Variants in CASK observed in about 807,000 individuals in gnomAD.
CASK encodes peripheral plasma membrane protein CASK.
A neutral mutation model predicts 82.9 loss-of-function variants in CASK; 4 were observed. That is an observed-to-expected ratio of 0.05 (90% CI 0.02 to 0.11). The LOEUF (loss-of-function observed/expected upper bound fraction) is 0.11, where lower values mean the gene tolerates loss of function less well. Ranked by LOEUF, CASK falls within the 10% of genes least tolerant of loss-of-function variation. The probability of loss-of-function intolerance (pLI) is 1.00; values close to 1 mark genes in which losing one functional copy is unlikely to be tolerated. For missense variants in CASK, 358 were observed against 720.9 expected (o/e 0.50, Z 5.76); for synonymous variants, 259 against 253.5 (o/e 1.02, Z -0.20).
chrX:41,682,759 G>T (rs1031162061), intron 5 of CASK, among the ~76,000 whole-genome samples: 13 of 109,142 alleles, frequency 1.2e-4, no homozygotes, highest in Admixed American at 2.0e-4. Context: ...CTACAAGTGT[G>T]TGCCACCATG....
intron 20 of CASK, among the ~76,000 whole-genome samples, chrX:41,554,838 T>C (rs770078443): frequency 8.9e-6 from 1 of 112,346 alleles, no homozygotes; most frequent in Admixed American, 9.4e-5. Flanking sequence ...TCTGATTATT[T>C]TTAATACCAT....
intron 12 of CASK, among the ~76,000 whole-genome samples, chrX:41,594,468 T>C (rs2065787943): frequency 8.9e-6 from 1 of 112,029 alleles, no homozygotes; most frequent in African/African-American, 3.2e-5. Context: ...TGCTGAATTG[T>C]AGCAACTTAT....
chrX:41,784,407 T>C (rs2069541279), intron 3 of CASK, among the ~76,000 whole-genome samples: 1 of 112,431 alleles, frequency 8.9e-6, no homozygotes, highest in African/African-American at 3.2e-5. Context: ...GGGATGTCCA[T>C]TTAACACTTT....
chrX:41,861,270 G>A (rs1049764164), intron 1 of CASK, among the ~76,000 whole-genome samples: 8 of 111,177 alleles, frequency 7.2e-5, no homozygotes, highest in African/African-American at 2.6e-4. Context: ...GCGTGTGCAT[G>A]CGTGTGTGAG....
At chrX:41,761,877 AT>A (rs766889036) in intron 3 of CASK, among the ~76,000 whole-genome samples, 7 of 112,284 alleles carry the variant, frequency 6.2e-5, no homozygotes, top group African/African-American at 9.7e-5. Context: ...AGATACCTAA[AT>A]TTATTATCCT....
intron 5 of CASK, among the ~76,000 whole-genome samples, chrX:41,738,498 A>G (rs1443741960): frequency 4.4e-5 from 5 of 112,586 alleles, no homozygotes; most frequent in African/African-American, 1.6e-4. Context: ...GCTTTTAACT[A>G]CAAGGATTTC....
intron 5 of CASK, chrX:41,728,134 C>A: frequency 2.6e-6 from 1 of 387,964 alleles, no homozygotes; most frequent in Non-Finnish European, 4.3e-6. Context: ...GCTTGGTTGA[C>A]AATAATCACC....
intron 14 of CASK, chrX:41,584,910 A>C (rs748139812): frequency 1.8e-5 from 2 of 112,937 alleles, no homozygotes; most frequent in African/African-American, 6.4e-5. Context: ...ATTATTAATA[A>C]AGCATATAGT....
chrX:41,810,908 C>CA (rs972964042), intron 2 of CASK, among the ~76,000 whole-genome samples: 3 of 110,364 alleles, frequency 2.7e-5, no homozygotes, highest in African/African-American at 9.9e-5. Flanking sequence ...AAATGGAAAA[C>CA]AAAAAAAGGC....
At chrX:41,732,495 C>G (rs778768315) in intron 5 of CASK, among the ~76,000 whole-genome samples, 8 of 110,819 alleles carry the variant, frequency 7.2e-5, no homozygotes, top group Non-Finnish European at 9.4e-5. Context: ...CGGCAAACCA[C>G]AAAGGGAGAA....
At chrX:41,873,108 A>C (rs1178888026) in intron 1 of CASK, among the ~76,000 whole-genome samples, 2 of 110,818 alleles carry the variant, frequency 1.8e-5, no homozygotes, top group Non-Finnish European at 3.8e-5. Context: ...AAATTTCAGA[A>C]GGGGTTTTTA....
intron 3 of CASK, among the ~76,000 whole-genome samples, chrX:41,752,941 T>A (rs1462443321): frequency 1.8e-5 from 2 of 112,233 alleles, no homozygotes; most frequent in African/African-American, 6.5e-5. Flanking sequence ...TAATTAGGAA[T>A]ACTGGTCAAG....
At chrX:41,907,843 G>A (rs1260598780) in intron 1 of CASK, among the ~76,000 whole-genome samples, 2 of 111,344 alleles carry the variant, frequency 1.8e-5, no homozygotes, top group Admixed American at 9.5e-5. Flanking sequence ...TAGGGGGTTC[G>A]GGATGAGACT....
At chrX:41,560,816 G>A (rs1283799263) in intron 17 of CASK, among the ~76,000 whole-genome samples, 1 of 108,539 alleles carries the variant, frequency 9.2e-6, no homozygotes, top group Non-Finnish European at 1.9e-5. Context: ...CCTTGAACTC[G>A]GGGGGCAGAG....
At chrX:41,847,855 C>G (rs1240329290) in intron 2 of CASK, among the ~76,000 whole-genome samples, 1 of 111,875 alleles carries the variant, frequency 8.9e-6, no homozygotes, top group African/African-American at 3.3e-5. Context: ...ACCTTCAACA[C>G]TCAGTCAGGG....
intron 2 of CASK, among the ~76,000 whole-genome samples, chrX:41,832,124 C>T (rs990243939): frequency 3.6e-5 from 4 of 110,343 alleles, no homozygotes; most frequent in Non-Finnish European, 3.8e-5. Context: ...TCCCATAAAG[C>T]GGCCATCTAG....
chrX:41,890,956 T>TGGCTCACTGCAACCTC (rs1351561961), intron 1 of CASK, among the ~76,000 whole-genome samples: 1 of 108,326 alleles, frequency 9.2e-6, no homozygotes, highest in Non-Finnish European at 1.9e-5. Context: ...GATGCAACCT[T>TGGCTCACTGCAACCTC]GGCTCACTGC....
intron 8 of CASK, among the ~76,000 whole-genome samples, chrX:41,653,749 T>C (rs758596896): frequency 3.7e-4 from 42 of 112,635 alleles, no homozygotes; most frequent in Admixed American, 1.0e-3. Context: ...TTACTGAAAA[T>C]CCTTTACTAA....
At chrX:41,580,156 A>C (rs768708373) in intron 14 of CASK, among the ~76,000 whole-genome samples, 1 of 112,304 alleles carries the variant, frequency 8.9e-6, no homozygotes, top group Non-Finnish European at 1.9e-5. Context: ...TTCTGATTTA[A>C]TTGTGGTCAC....
Sources: gnomAD v4.1 joint callset for allele counts (sites outside exome capture counted in the v4.1 genomes callset) on GRCh38, gnomAD v4.1.1 for gene constraint, MANE v1.5 for transcripts, NCBI Gene and HGNC (gene_info 2026-07-23, HGNC 2026-07-21) for gene names.